CCDC158: variants seen among roughly 807,000 people sequenced by gnomAD.
The protein encoded by CCDC158 is coiled-coil domain-containing protein 158.
Under a neutral mutation model 138.6 loss-of-function variants are expected in CCDC158, and 116 were observed. The observed-to-expected ratio is 0.84, with a 90% CI of 0.72 to 0.98. The LOEUF is 0.98. Among genes scored for constraint, CCDC158 ranks in the 50% least tolerant of loss-of-function variants. CCDC158 has a pLI of 0.00. For synonymous variants in CCDC158, 436 were observed against 442.4 expected, an observed-to-expected ratio of 0.99 and a Z score of 0.18; for missense variants, 1,265 against 1,306.1, an observed-to-expected ratio of 0.97 and a Z score of 0.48.
intron 4 of CCDC158, among the ~76,000 whole-genome samples, chr4:76,387,123 T>C (rs1726870633): frequency 6.6e-6 from 1 of 152,060 alleles, no homozygotes; most frequent in Admixed American, 6.5e-5. Flanking sequence ...ACCATCCCTT[T>C]CCCAACCCCA....
intron 18 of CCDC158, among the ~76,000 whole-genome samples, chr4:76,347,218 A>AT (rs1722640389): frequency 6.6e-6 from 1 of 152,186 alleles, no homozygotes; most frequent in Non-Finnish European, 1.5e-5. Flanking sequence ...CTATAAAGAC[A>AT]CATGCACATG....
intron 4 of CCDC158, among the ~76,000 whole-genome samples, 187 bp downstream of exon 4, chr4:76,396,082 A>C (rs555264767): frequency 6.6e-6 from 1 of 152,346 alleles, no homozygotes; most frequent in African/African-American, 2.4e-5. Flanking sequence ...ATAAATATGT[A>C]GACTTTTCAT....
intron 4 of CCDC158, among the ~76,000 whole-genome samples, chr4:76,387,309 C>A (rs1321641511): frequency 6.6e-6 from 1 of 152,112 alleles, no homozygotes; most frequent in Non-Finnish European, 1.5e-5. Flanking sequence ...GACAATAATT[C>A]AAGATACACC....
chr4:76,334,710 T>C (rs978923296), intron 18 of CCDC158, among the ~76,000 whole-genome samples: 2 of 152,164 alleles, frequency 1.3e-5, no homozygotes, highest in Non-Finnish European at 2.9e-5. Context: ...TAAATATTTA[T>C]AATATAATAA....
At chr4:76,349,887 G>C (rs1169122449) in intron 18 of CCDC158, among the ~76,000 whole-genome samples, 1 of 152,076 alleles carries the variant, frequency 6.6e-6, no homozygotes, top group Non-Finnish European at 1.5e-5. Flanking sequence ...ATCTTGTCCA[G>C]ACTACTTGTT....
chr4:76,346,458 T>C (rs1018502390), intron 18 of CCDC158, among the ~76,000 whole-genome samples: 4 of 152,218 alleles, frequency 2.6e-5, no homozygotes, highest in South Asian at 4.1e-4. Flanking sequence ...ACGCCTGTAA[T>C]CCCAACGCTT....
intron 13 of CCDC158, among the ~76,000 whole-genome samples, chr4:76,359,007 A>T (rs1388944271): frequency 1.3e-5 from 2 of 152,170 alleles, no homozygotes; most frequent in African/African-American, 2.4e-5. Context: ...TGATTGGATC[A>T]TGGGGAAGGA....
At chr4:76,382,101 T>A (rs557934074) in intron 8 of CCDC158, among the ~76,000 whole-genome samples, 1 of 152,308 alleles carries the variant, frequency 6.6e-6, no homozygotes, top group African/African-American at 2.4e-5. Flanking sequence ...GGGGACAGAT[T>A]TCCCCCATGC....
chr4:76,335,104 T>G (rs1721357947), intron 18 of CCDC158, among the ~76,000 whole-genome samples: 2 of 152,200 alleles, frequency 1.3e-5, no homozygotes. Flanking sequence ...GAAATTGTCA[T>G]GATGAGTCAG....
chr4:76,411,503 T>C (rs866966875), intron 2 of CCDC158, among the ~76,000 whole-genome samples: 5 of 152,310 alleles, frequency 3.3e-5, no homozygotes, highest in Middle Eastern at 3.4e-3. Flanking sequence ...AAGAGCAATA[T>C]TGAGTTTCAT....
At position 76,313,103 on chromosome 4, in the gene CCDC158, A is replaced by C; in HGVS notation, c.*67T>G. ...CATAAAAAGAAAAAGTACACAGGGCACTAATTACGAGTAACACCACAATTA... is the reference window on the plus strand; with the variant it reads ...CATAAAAAGAAAAAGTACACAGGGCCCTAATTACGAGTAACACCACAATTA... On this transcript the variant is annotated 3_prime_UTR_variant, in exon 25 of 25. Transcript: ENST00000682701. The C allele has an allele frequency of 3.2e-6, 3 of 931,798 alleles. No individual in the cohort carries two copies. Among genetic ancestry groups the C allele is most frequent in the Non-Finnish European group, 5.0e-6 (3 of 605,796 alleles). 57.7% of individuals were successfully genotyped at this position (931,798 alleles called of 1,614,324 possible). A position where few individuals can be genotyped will look rare whatever the true frequency, so the allele number is the denominator to read the frequency against.
intron 11 of CCDC158, among the ~76,000 whole-genome samples, chr4:76,368,089 T>C (rs1396603224): frequency 6.6e-6 from 1 of 152,116 alleles, no homozygotes; most frequent in African/African-American, 2.4e-5. Flanking sequence ...TTATAACATA[T>C]GTAAGACTGA....
Position 76,351,023 on chromosome 4 carries a change from C to T in CCDC158, c.2637G>A (p.Ser879=), listed in dbSNP as rs749358680. 55 of 1,613,478 alleles carry T rather than the reference C, an allele frequency of 3.4e-5. No individual in the cohort carries two copies. Among genetic ancestry groups the T allele is most frequent in the African/African-American group, 2.1e-4 (16 of 74,804 alleles). The part of the protein sequence containing the change: ...VTRSHSNVPS[S]QSTASFLSHH... ...GAGACAGGAAGCTGGCTGTAGACTG[C>T]GAAGATGGTACATTAGAATGAGAAC... The change falls in exon 18 of 25, where the codon TCG becomes TCA. Residue 879 remains serine (S), a synonymous_variant. Coordinates refer to ENST00000682701, the MANE Select transcript of CCDC158 (RefSeq NM_001394954.1).
intron 1 of CCDC158, among the ~76,000 whole-genome samples, chr4:76,415,494 C>T (rs565830179): frequency 2.3e-3 from 350 of 151,814 alleles, no homozygotes; most frequent in Middle Eastern, 6.8e-3. Flanking sequence ...GGCAAGAGAC[C>T]GAGGGCATGA....
At chr4:76,320,646 C>T (rs1184518679) in intron 24 of CCDC158, among the ~76,000 whole-genome samples, 1 of 152,150 alleles carries the variant, frequency 6.6e-6, no homozygotes, top group African/African-American at 2.4e-5. Context: ...CAAAAATTTA[C>T]AGCCACTGAT....
intron 12 of CCDC158, among the ~76,000 whole-genome samples, chr4:76,364,458 T>C (rs57178937): frequency 0.029 from 4,468 of 152,302 alleles, 219 homozygotes; most frequent in African/African-American, 0.1. Context: ...GTGTGAAATA[T>C]ACACCAGATT....
At chr4:76,353,363 T>C (rs1723236924) in intron 15 of CCDC158, 82 bp from the exon 16 acceptor site, 2 of 1,139,282 alleles carry the variant, frequency 1.8e-6, no homozygotes, top group East Asian at 5.1e-5. Flanking sequence ...AAATTCTTGT[T>C]TAAAGGACCC....
intron 18 of CCDC158, among the ~76,000 whole-genome samples, chr4:76,337,576 C>A (rs941315457): frequency 7.2e-5 from 11 of 151,932 alleles, no homozygotes; most frequent in Non-Finnish European, 1.2e-4. Context: ...ACTAAAAATA[C>A]AAACAATTAG....
intron 9 of CCDC158, chr4:76,375,853 C>G (rs988574786): frequency 4.3e-6 from 2 of 468,648 alleles, no homozygotes; most frequent in African/African-American, 4.0e-5. Context: ...ATATTAACTT[C>G]CAAAACAAGT....
Sources: gnomAD v4.1 joint callset for allele counts (sites outside exome capture counted in the v4.1 genomes callset) on GRCh38, gnomAD v4.1.1 for gene constraint, MANE v1.5 for transcripts, NCBI Gene and HGNC (gene_info 2026-07-23, HGNC 2026-07-21) for gene names.